Variants in NLGN1 observed in about 807,000 individuals in gnomAD.
The protein encoded by NLGN1 is neuroligin 1, also known as neuroligin-1.
NLGN1 carries 12 observed loss-of-function variants against 65.5 expected under a neutral mutation model. The observed-to-expected ratio is 0.18, with a 90% confidence interval of 0.12 to 0.30. NLGN1 has a LOEUF of 0.30. Ranked by LOEUF, NLGN1 falls within the 10% of genes least tolerant of loss-of-function variation. The probability of loss-of-function intolerance (pLI) is 1.00; values close to 1 mark genes in which losing one functional copy is unlikely to be tolerated. For synonymous variants in NLGN1, 350 were observed against 359.5 expected, an observed-to-expected ratio of 0.97 and a Z score of 0.30; for missense variants, 750 against 1,007.1, an observed-to-expected ratio of 0.74 and a Z score of 3.46.
intron 3 of NLGN1, among the ~76,000 whole-genome samples, chr3:173,754,253 G>A (rs1776769234): frequency 6.6e-6 from 1 of 151,654 alleles, no homozygotes; most frequent in Non-Finnish European, 1.5e-5. Flanking sequence ...TCACCATTTT[G>A]TCCAGGTTGG....
chr3:173,917,296 C>T (rs9833839), intron 4 of NLGN1, among the ~76,000 whole-genome samples: 5,168 of 152,084 alleles, frequency 0.034, 162 homozygotes, highest in African/African-American at 0.087. Flanking sequence ...TACTTTATCA[C>T]GGGTATTGGA....
At chr3:173,539,679 C>CATATATGTATATATGTACATAT (rs1446580324) in intron 2 of NLGN1, among the ~76,000 whole-genome samples, 4 of 80,002 alleles carry the variant, frequency 5.0e-5, no homozygotes, top group Middle Eastern at 0.02. Flanking sequence ...ACATATATAA[C>CATATATGTATATATGTACATAT]ATACATATAT....
At chr3:173,579,515 TC>T (rs1226170745) in intron 2 of NLGN1, among the ~76,000 whole-genome samples, 1 of 152,322 alleles carries the variant, frequency 6.6e-6, no homozygotes, top group Middle Eastern at 3.4e-3. Flanking sequence ...CTAGTCTTGA[TC>T]ATCACTTCCT....
chr3:173,485,970 C>T (rs1295108360), intron 2 of NLGN1, among the ~76,000 whole-genome samples: 1 of 152,012 alleles, frequency 6.6e-6, no homozygotes, highest in Non-Finnish European at 1.5e-5. Flanking sequence ...TTTAACCTCT[C>T]AGAAATCTGG....
At chr3:173,734,381 A>ATTTTT (rs71162356) in intron 3 of NLGN1, among the ~76,000 whole-genome samples, 50 of 40,076 alleles carry the variant, frequency 1.2e-3, no homozygotes, top group Non-Finnish European at 1.3e-3. Context: ...GGATAATTCT[A>ATTTTT]TTTTTTTTTT....
chr3:174,237,222 G>A (rs1025633409), intron 4 of NLGN1, among the ~76,000 whole-genome samples: 2 of 151,976 alleles, frequency 1.3e-5, no homozygotes, highest in African/African-American at 4.8e-5. Flanking sequence ...TAAAGTCATT[G>A]TCAAAACAAT....
At chr3:173,542,703 C>G (rs1334566174) in intron 2 of NLGN1, among the ~76,000 whole-genome samples, 1 of 151,934 alleles carries the variant, frequency 6.6e-6, no homozygotes, top group African/African-American at 2.4e-5. Context: ...GAGGACTTCT[C>G]TTTAGAGGCT....
intron 4 of NLGN1, among the ~76,000 whole-genome samples, chr3:173,994,167 G>A (rs538996322): frequency 2.0e-5 from 3 of 151,914 alleles, no homozygotes; most frequent in Non-Finnish European, 4.4e-5. Flanking sequence ...GAGTGCAGTG[G>A]CGTGATCACA....
intron 4 of NLGN1, among the ~76,000 whole-genome samples, chr3:174,168,320 C>T (rs1727908243): frequency 1.3e-5 from 2 of 152,156 alleles, no homozygotes; most frequent in South Asian, 4.1e-4. Flanking sequence ...ATGCTGGTCC[C>T]TTCTCATCCA....
exon 7 of NLGN1, chr3:174,282,550 G>C (rs113019656): frequency 0.01 from 1,586 of 152,198 alleles, 11 homozygotes; most frequent in South Asian, 0.03. Flanking sequence ...ACAGAACCTA[G>C]GAGAGTCAAC....
intron 4 of NLGN1, among the ~76,000 whole-genome samples, chr3:174,269,546 T>G (rs942143702): frequency 1.3e-5 from 2 of 151,990 alleles, no homozygotes; most frequent in African/African-American, 4.8e-5. Flanking sequence ...CAATATTCCA[T>G]CATATGTATA....
intron 2 of NLGN1, among the ~76,000 whole-genome samples, chr3:173,521,574 C>G (rs947289249): frequency 2.6e-5 from 4 of 152,164 alleles, no homozygotes; most frequent in African/African-American, 4.8e-5. Context: ...AAATTCTGAG[C>G]CTTTTTTCTG....
intron 4 of NLGN1, among the ~76,000 whole-genome samples, chr3:173,987,834 C>G (rs1720275911): frequency 6.6e-6 from 1 of 152,114 alleles, no homozygotes; most frequent in Non-Finnish European, 1.5e-5. Context: ...GGGAGACTTA[C>G]TTCTGAATTC....
intron 4 of NLGN1, among the ~76,000 whole-genome samples, chr3:173,908,431 G>C (rs1363025383): frequency 6.6e-6 from 1 of 152,112 alleles, no homozygotes; most frequent in Non-Finnish European, 1.5e-5. Flanking sequence ...TCTCACTTGT[G>C]GTAAGATATC....
At chr3:173,712,967 A>G (rs1211295617) in intron 3 of NLGN1, among the ~76,000 whole-genome samples, 1 of 152,136 alleles carries the variant, frequency 6.6e-6, no homozygotes, top group Non-Finnish European at 1.5e-5. Flanking sequence ...GTGTAGTAGC[A>G]GCAAGGTCGG....
chr3:173,932,318 T>G (rs1744247033), intron 4 of NLGN1, among the ~76,000 whole-genome samples: 1 of 152,154 alleles, frequency 6.6e-6, no homozygotes, highest in South Asian at 2.1e-4. Context: ...AGTTGCTTCA[T>G]AAGAAATAAA....
At chr3:173,849,782 A>T (rs1480939795) in intron 4 of NLGN1, among the ~76,000 whole-genome samples, 1 of 152,148 alleles carries the variant, frequency 6.6e-6, no homozygotes, top group Non-Finnish European at 1.5e-5. Flanking sequence ...GACAGAGCAG[A>T]TGACTTCATG....
intron 3 of NLGN1, among the ~76,000 whole-genome samples, chr3:173,659,452 T>A (rs1760590354): frequency 6.6e-6 from 1 of 151,904 alleles, no homozygotes. Flanking sequence ...GACATAACCA[T>A]TTACCTAGTG....
At chr3:173,704,380 A>G (rs1185598265) in intron 3 of NLGN1, among the ~76,000 whole-genome samples, 2 of 152,194 alleles carry the variant, frequency 1.3e-5, no homozygotes, top group East Asian at 3.8e-4. Flanking sequence ...TTTTTCAACC[A>G]GAATAATTTA....
Sources: gnomAD v4.1 joint callset for allele counts (sites outside exome capture counted in the v4.1 genomes callset) on GRCh38, gnomAD v4.1.1 for gene constraint, MANE v1.5 for transcripts, NCBI Gene and HGNC (gene_info 2026-07-23, HGNC 2026-07-21) for gene names.